CMSS1: variants seen among roughly 807,000 people sequenced by gnomAD.
CMSS1 encodes protein CMSS1.
CMSS1 carries 33 observed loss-of-function variants against 43.5 expected under a neutral mutation model. The observed-to-expected ratio is 0.76, with a 90% CI of 0.57 to 1.01. The LOEUF is 1.01. Among genes scored for constraint, CMSS1 ranks in the 50% least tolerant of loss-of-function variants. The probability of loss-of-function intolerance (pLI) is 0.00; values close to 1 mark genes in which losing one functional copy is unlikely to be tolerated. For synonymous variants in CMSS1, 115 were observed against 117.2 expected, an observed-to-expected ratio of 0.98 and a Z score of 0.12; for missense variants, 313 against 326.4, an observed-to-expected ratio of 0.96 and a Z score of 0.32.
chr3:100,034,492 C>T (rs187450474), intron 1 of CMSS1, among the ~76,000 whole-genome samples: 3 of 152,202 alleles, frequency 2.0e-5, no homozygotes, highest in South Asian at 2.1e-4. Context: ...GTAGCCACTT[C>T]GTTCCAGTAA....
intron 1 of CMSS1, among the ~76,000 whole-genome samples, chr3:99,927,861 T>C (rs544096844): frequency 3.3e-5 from 5 of 152,316 alleles, no homozygotes; most frequent in African/African-American, 1.2e-4. Flanking sequence ...CCAAGCATGT[T>C]CCAGCTCACA....
At chr3:100,087,596 T>A (rs1333559194) in intron 1 of CMSS1, among the ~76,000 whole-genome samples, 1 of 152,064 alleles carries the variant, frequency 6.6e-6, no homozygotes, top group Non-Finnish European at 1.5e-5. Context: ...TATTATTGAG[T>A]TTTGAGATTT....
chr3:100,114,699 A>C (rs1428996109), intron 1 of CMSS1, among the ~76,000 whole-genome samples: 1 of 152,126 alleles, frequency 6.6e-6, no homozygotes, highest in Non-Finnish European at 1.5e-5. Context: ...GCTACCCCAG[A>C]TATATTGTGA....
intron 1 of CMSS1, among the ~76,000 whole-genome samples, chr3:99,909,264 G>A (rs1278381209): frequency 6.6e-6 from 1 of 152,190 alleles, no homozygotes; most frequent in African/African-American, 2.4e-5. Context: ...AGAAAATGGA[G>A]CAGAGGTACT....
intron 1 of CMSS1, among the ~76,000 whole-genome samples, chr3:100,137,818 G>A (rs886877017): frequency 3.9e-5 from 6 of 152,088 alleles, no homozygotes; most frequent in East Asian, 3.9e-4. Flanking sequence ...TGCCTGTCTC[G>A]GCCTTCCAAA....
chr3:99,927,597 G>A (rs538768778), intron 1 of CMSS1, among the ~76,000 whole-genome samples: 2 of 152,082 alleles, frequency 1.3e-5, no homozygotes, highest in African/African-American at 4.8e-5. Context: ...TCGAATTCCC[G>A]ACCTCAGGTG....
chr3:99,872,917 C>CT lies in CMSS1; in HGVS notation c.64+54887dup, dbSNP rs74418095. On this transcript the variant is annotated intron_variant, in intron 1 of 9. Transcript: ENST00000421999. Reference sequence around the variant, plus strand: ...ATGAAGGTCAAGGAGAATCTCAAGTCTTTTTTTTTTTTTAAAAAAAGGAGG... The same window carrying CT: ...ATGAAGGTCAAGGAGAATCTCAAGTCTTTTTTTTTTTTTTAAAAAAAGGAGG... 9.1e-3 allele frequency among the ~76,000 whole-genome samples: 1,300 copies of CT among 143,510 alleles called. 8 individuals carry two copies. The highest frequency in any genetic ancestry group is 0.028 in the African/African-American group (1,087 of 39,224). 94.1% of individuals were successfully genotyped at this position (143,510 alleles called of 152,430 possible). A position where few individuals can be genotyped will look rare whatever the true frequency, so the allele number is the denominator to read the frequency against.
intron 5 of CMSS1, among the ~76,000 whole-genome samples, chr3:100,167,420 A>G (rs1409440501): frequency 1.3e-5 from 2 of 152,194 alleles, no homozygotes; most frequent in South Asian, 2.1e-4. Flanking sequence ...TTTGTTTCCT[A>G]TTTAATCAAC....
intron 1 of CMSS1, among the ~76,000 whole-genome samples, chr3:99,856,410 C>T (rs528574926): frequency 6.6e-6 from 1 of 152,194 alleles, no homozygotes; most frequent in Non-Finnish European, 1.5e-5. Context: ...AGTTTAAAGA[C>T]TATTGTCTTG....
chr3:100,064,097 CA>C (rs1035504281), intron 1 of CMSS1, among the ~76,000 whole-genome samples: 2 of 152,118 alleles, frequency 1.3e-5, no homozygotes, highest in African/African-American at 4.8e-5. Flanking sequence ...CTTCTGGTTT[CA>C]GAGAACCCAG....
intron 1 of CMSS1, among the ~76,000 whole-genome samples, chr3:100,052,810 G>A (rs941060094): frequency 5.3e-5 from 8 of 152,108 alleles, no homozygotes; most frequent in African/African-American, 1.9e-4. Context: ...TATGATACAA[G>A]ATAAAGTTAT....
intron 1 of CMSS1, among the ~76,000 whole-genome samples, chr3:100,130,479 G>T (rs1360487035): frequency 6.6e-6 from 1 of 152,168 alleles, no homozygotes; most frequent in Non-Finnish European, 1.5e-5. Flanking sequence ...GTATATATCT[G>T]CTGGATCCTA....
intron 4 of CMSS1, among the ~76,000 whole-genome samples, chr3:100,165,304 A>G (rs1157934567): frequency 2.0e-5 from 3 of 152,126 alleles, no homozygotes; most frequent in Admixed American, 6.5e-5. Context: ...TGATCAGTCC[A>G]GCCCCTGTTT....
chr3:99,940,926 G>A (rs1707831828), intron 1 of CMSS1, among the ~76,000 whole-genome samples: 1 of 152,216 alleles, frequency 6.6e-6, no homozygotes, highest in Non-Finnish European at 1.5e-5. Context: ...ATGGGTTGTT[G>A]TAGAGAAGAT....
chr3:99,973,417 CATCAA>C (rs1385340529), intron 1 of CMSS1, among the ~76,000 whole-genome samples: 9 of 152,170 alleles, frequency 5.9e-5, no homozygotes, highest in Admixed American at 3.9e-4. Flanking sequence ...CTCTTCTAAA[CATCAA>C]ACCACATATT....
At chr3:99,942,869 GA>G (rs1221012933) in intron 1 of CMSS1, among the ~76,000 whole-genome samples, 2 of 151,654 alleles carry the variant, frequency 1.3e-5, no homozygotes, top group African/African-American at 2.4e-5. Flanking sequence ...TTTCTTAAAA[GA>G]AAAAAAGAGA....
chr3:99,867,757 T>TAA (rs1207598942), intron 1 of CMSS1, among the ~76,000 whole-genome samples: 25 of 152,150 alleles, frequency 1.6e-4, no homozygotes, highest in Non-Finnish European at 5.9e-5. Context: ...TAACACTGTA[T>TAA]ACAAATTCAC....
chr3:99,868,084 G>C (rs73860476), intron 1 of CMSS1, among the ~76,000 whole-genome samples: 2,247 of 152,264 alleles, frequency 0.015, 55 homozygotes, highest in African/African-American at 0.052. Flanking sequence ...TTTTGTGGGT[G>C]CATGGTAAAA....
intron 1 of CMSS1, among the ~76,000 whole-genome samples, chr3:100,145,548 G>A (rs1319375909): frequency 6.6e-6 from 1 of 152,162 alleles, no homozygotes; most frequent in Non-Finnish European, 1.5e-5. Context: ...TGGCTCACAT[G>A]ATTATGGAGG....
Sources: gnomAD v4.1 joint callset for allele counts (sites outside exome capture counted in the v4.1 genomes callset) on GRCh38, gnomAD v4.1.1 for gene constraint, MANE v1.5 for transcripts, NCBI Gene and HGNC (gene_info 2026-07-23, HGNC 2026-07-21) for gene names.